HSPA12A: variants seen among roughly 807,000 people sequenced by gnomAD.
HSPA12A encodes the protein heat shock 70 kDa protein 12A.
HSPA12A carries 28 observed loss-of-function variants against 69.2 expected under a neutral mutation model. That is an observed-to-expected ratio of 0.40 (90% CI 0.30 to 0.55). The LOEUF is 0.55. Among genes scored for constraint, HSPA12A ranks in the 20% least tolerant of loss-of-function variants. The pLI is 0.38. For missense variants in HSPA12A, 686 were observed against 900.7 expected (o/e 0.76, Z 3.05); for synonymous variants, 345 against 370.5 (o/e 0.93, Z 0.79).
intron 2 of HSPA12A, among the ~76,000 whole-genome samples, chr10:116,772,643 G>A (rs1844236940): frequency 6.6e-6 from 1 of 151,944 alleles, no homozygotes; most frequent in African/African-American, 2.4e-5. Flanking sequence ...AAAGCCTGTG[G>A]TTCTTCTTTT....
chr10:116,727,499 G>A (rs1353493869), intron 1 of HSPA12A, among the ~76,000 whole-genome samples: 1 of 152,178 alleles, frequency 6.6e-6, no homozygotes, highest in African/African-American at 2.4e-5. Flanking sequence ...GCTACACCGA[G>A]TCCAGGTAGG....
At chr10:116,779,148 G>A (rs1394810840) in intron 2 of HSPA12A, among the ~76,000 whole-genome samples, 5 of 152,180 alleles carry the variant, frequency 3.3e-5, no homozygotes, top group Non-Finnish European at 7.3e-5. Flanking sequence ...GGCCTTCATC[G>A]GCAGTTGCTT....
chr10:116,786,239 G>A (rs1844574504), intron 2 of HSPA12A, among the ~76,000 whole-genome samples: 1 of 152,182 alleles, frequency 6.6e-6, no homozygotes, highest in Non-Finnish European at 1.5e-5. Context: ...TCTTAAAATA[G>A]ACTGTTTATG....
intron 1 of HSPA12A, among the ~76,000 whole-genome samples, chr10:116,740,929 A>T (rs1166618058): frequency 6.7e-6 from 1 of 149,086 alleles, no homozygotes; most frequent in East Asian, 2.0e-4. Flanking sequence ...CGTCCTAAAA[A>T]TTTTTTTATT....
intron 7 of HSPA12A, 73 bp downstream of exon 7, chr10:116,683,718 C>A: frequency 7.3e-7 from 1 of 1,374,648 alleles, no homozygotes; most frequent in South Asian, 1.9e-5. Flanking sequence ...CCTTTAAAAT[C>A]ATCAGAGGGA....
At chr10:116,684,424 G>A (rs1849516615) in intron 6 of HSPA12A, among the ~76,000 whole-genome samples, 1 of 152,280 alleles carries the variant, frequency 6.6e-6, no homozygotes, top group Admixed American at 6.5e-5. Context: ...CACACGGTCT[G>A]ACCAAATCGG....
At chr10:116,802,008 G>T (rs1042040457) in intron 2 of HSPA12A, among the ~76,000 whole-genome samples, 2 of 152,142 alleles carry the variant, frequency 1.3e-5, no homozygotes, top group Non-Finnish European at 2.9e-5. Flanking sequence ...TGTGGGCTGG[G>T]TAGAATGGAA....
At chr10:116,811,692 TGAA>T (rs1427430785) in intron 2 of HSPA12A, among the ~76,000 whole-genome samples, 5 of 151,024 alleles carry the variant, frequency 3.3e-5, no homozygotes, top group Non-Finnish European at 7.4e-5. Context: ...GACGGCATGG[TGAA>T]GAAGGTGAGT....
At chr10:116,796,774 T>A (rs1168497239) in intron 2 of HSPA12A, among the ~76,000 whole-genome samples, 1 of 152,094 alleles carries the variant, frequency 6.6e-6, no homozygotes, top group African/African-American at 2.4e-5. Flanking sequence ...ATGGGGAACA[T>A]GGTTCTGAAG....
chr10:116,726,219 G>A (rs1554885015), intron 1 of HSPA12A, among the ~76,000 whole-genome samples: 1 of 152,040 alleles, frequency 6.6e-6, no homozygotes, highest in Non-Finnish European at 1.5e-5. Context: ...AAGGAGTGTG[G>A]TGTTGGGGCA....
chr10:116,812,930 C>T (rs1432800420), intron 2 of HSPA12A, among the ~76,000 whole-genome samples: 1 of 152,168 alleles, frequency 6.6e-6, no homozygotes, highest in Non-Finnish European at 1.5e-5. Flanking sequence ...AACACACTCC[C>T]ACTTTCCACC....
intron 1 of HSPA12A, among the ~76,000 whole-genome samples, chr10:116,728,961 G>C (rs193219893): frequency 1.3e-5 from 2 of 152,102 alleles, no homozygotes; most frequent in Non-Finnish European, 1.5e-5. Context: ...TAAGCCTCCC[G>C]GGGCAAGGGC....
intron 1 of HSPA12A, chr10:116,849,501 C>A: frequency 7.0e-7 from 1 of 1,433,642 alleles, no homozygotes; most frequent in Non-Finnish European, 9.2e-7. Context: ...GTTGCGTTGC[C>A]TAGCGACAGC....
At chr10:116,847,495 A>C (rs181135415) in intron 1 of HSPA12A, among the ~76,000 whole-genome samples, 1 of 152,278 alleles carries the variant, frequency 6.6e-6, no homozygotes, top group Admixed American at 6.5e-5. Context: ...ATGGGATTCC[A>C]GCTTCTTCAT....
At chr10:116,689,245 C>CT (rs869073885) in intron 6 of HSPA12A, among the ~76,000 whole-genome samples, 7 of 68 alleles carry the variant, frequency 0.1, no homozygotes, top group Admixed American at 0.43. Context: ...CCCACCACTG[C>CT]CCAGAAACCT....
At chr10:116,814,279 G>T (rs1469737926) in intron 2 of HSPA12A, among the ~76,000 whole-genome samples, 1 of 152,192 alleles carries the variant, frequency 6.6e-6, no homozygotes, top group African/African-American at 2.4e-5. Context: ...AGCCAGAAAA[G>T]ATTCTAAGAG....
intron 2 of HSPA12A, among the ~76,000 whole-genome samples, chr10:116,796,996 C>A (rs1442196534): frequency 6.6e-6 from 1 of 152,180 alleles, no homozygotes; most frequent in African/African-American, 2.4e-5. Flanking sequence ...ATTATTGCTG[C>A]CCCCGGGAAC....
chr10:116,786,713 C>T (rs1014518291), intron 2 of HSPA12A, among the ~76,000 whole-genome samples: 2 of 152,026 alleles, frequency 1.3e-5, no homozygotes, highest in South Asian at 2.1e-4. Context: ...AATCTTGGCT[C>T]GCTGCAACCT....
At chr10:116,683,194 G>A (rs1554878956) in intron 7 of HSPA12A, among the ~76,000 whole-genome samples, 2 of 151,972 alleles carry the variant, frequency 1.3e-5, no homozygotes, top group African/African-American at 4.8e-5. Context: ...CTGGATACCA[G>A]GGAACCAAGT....
Sources: gnomAD v4.1 joint callset for allele counts (sites outside exome capture counted in the v4.1 genomes callset) on GRCh38, gnomAD v4.1.1 for gene constraint, MANE v1.5 for transcripts, NCBI Gene and HGNC (gene_info 2026-07-23, HGNC 2026-07-21) for gene names.